ALOX5AP: variants seen among roughly 807,000 people sequenced by gnomAD.
The protein encoded by ALOX5AP is arachidonate 5-lipoxygenase activating protein, also known as arachidonate 5-lipoxygenase-activating protein.
In ALOX5AP, 9 loss-of-function variants were observed where a neutral mutation model predicts 18.5. That is an observed-to-expected ratio of 0.49 (90% CI 0.29 to 0.85). The LOEUF (loss-of-function observed/expected upper bound fraction) is 0.85, where lower values mean the gene tolerates loss of function less well. Ranked by LOEUF, ALOX5AP falls within the 40% of genes least tolerant of loss-of-function variation. The pLI, the probability that ALOX5AP is intolerant of heterozygous loss-of-function variation, is 0.08. For synonymous variants in ALOX5AP, 81 were observed against 78.6 expected (o/e 1.03, Z -0.16); for missense variants, 172 against 202.5 (o/e 0.85, Z 0.91).
rs183607567 is a variant in ALOX5AP, at chr13:30,728,089, G to T, written c.117-7462G>T. Among the ~76,000 whole-genome samples, 36 of 152,268 alleles carry T rather than the reference G, an allele frequency of 2.4e-4. No individual in the cohort carries two copies. In the East Asian group the frequency reaches 4.3e-3, roughly 18 times the overall value. ...ATGAGGGCATACTGGCTCAGGATGG[G>T]CTCCTAATTCAATACAACTAATGTC... On this transcript the variant is annotated intron_variant, in intron 1 of 5. Transcript: ENST00000617770.
chr13:30,736,311 G>C (rs567000585), intron 1 of ALOX5AP, among the ~76,000 whole-genome samples: 1 of 151,680 alleles, frequency 6.6e-6, no homozygotes, highest in Non-Finnish European at 1.5e-5. Flanking sequence ...AAATTGTCCT[G>C]TTCAGCGTTT....
intron 2 of ALOX5AP, among the ~76,000 whole-genome samples, chr13:30,744,737 G>A (rs567808908): frequency 2.6e-5 from 4 of 152,292 alleles, no homozygotes; most frequent in Non-Finnish European, 4.4e-5. Flanking sequence ...ACACCTGAGC[G>A]GCTCCTAAAG....
At chr13:30,733,360 A>G (rs1171548264), upstream of ALOX5AP, among the ~76,000 whole-genome samples, 1 of 152,190 alleles carries the variant, frequency 6.6e-6, no homozygotes, top group East Asian at 1.9e-4. Flanking sequence ...TTGTAAGAGG[A>G]CTGGCCTTCA....
chr13:30,740,919 A>C (rs753050092), intron 1 of ALOX5AP, among the ~76,000 whole-genome samples: 32 of 152,116 alleles, frequency 2.1e-4, no homozygotes, highest in Non-Finnish European at 3.5e-4. Flanking sequence ...GCAGATGCAG[A>C]GAAGTACGGC....
intron 2 of ALOX5AP, among the ~76,000 whole-genome samples, chr13:30,745,491 G>A (rs536212359): frequency 1.3e-5 from 2 of 152,058 alleles, no homozygotes; most frequent in African/African-American, 4.8e-5. Context: ...CACGTGCTCT[G>A]GGCTCCACTC....
chr13:30,733,091 A>G (rs1032316121), upstream of ALOX5AP, among the ~76,000 whole-genome samples: 4 of 150,542 alleles, frequency 2.7e-5, no homozygotes, highest in Non-Finnish European at 4.4e-5. Flanking sequence ...CCCGGGAGGC[A>G]GAGCTTGCAG....
chr13:30,748,575 A>G (rs1239416311), intron 2 of ALOX5AP, among the ~76,000 whole-genome samples: 1 of 152,226 alleles, frequency 6.6e-6, no homozygotes, highest in African/African-American at 2.4e-5. Flanking sequence ...TCTGTTTTGC[A>G]GAAAAAATAG....
intron 1 of ALOX5AP, among the ~76,000 whole-genome samples, chr13:30,716,673 G>T (rs1951552908): frequency 1.3e-5 from 2 of 152,180 alleles, no homozygotes; most frequent in Admixed American, 6.5e-5. Context: ...CCAACTGGAA[G>T]TGGGAGGGGA....
At chr13:30,743,782 G>A (rs1951786329) in intron 1 of ALOX5AP, among the ~76,000 whole-genome samples, 3 of 152,034 alleles carry the variant, frequency 2.0e-5, no homozygotes, top group African/African-American at 7.2e-5. Context: ...TTTGCTGTGT[G>A]GAATGTCTGC....
At chr13:30,738,933 A>AAC (rs17238666) in intron 1 of ALOX5AP, among the ~76,000 whole-genome samples, 11,557 of 151,552 alleles carry the variant, frequency 0.076, 629 homozygotes, top group Admixed American at 0.17. Context: ...GTTCCACCCC[A>AAC]ACACACACAC....
At chr13:30,752,190 G>A in intron 3 of ALOX5AP, 68 bp downstream of exon 3, 1 of 1,531,216 alleles carries the variant, frequency 6.5e-7, no homozygotes, top group East Asian at 2.3e-5. Flanking sequence ...CAAAGGGCAG[G>A]CTTTTTGTTG....
chr13:30,736,693 C>A (rs1951724633), intron 1 of ALOX5AP, among the ~76,000 whole-genome samples: 2 of 152,160 alleles, frequency 1.3e-5, no homozygotes, highest in Admixed American at 6.5e-5. Flanking sequence ...TCCCCCTCAG[C>A]CTCTGCACCA....
chr13:30,753,029 T>C (rs1203359048), intron 3 of ALOX5AP, among the ~76,000 whole-genome samples: 1 of 152,242 alleles, frequency 6.6e-6, no homozygotes, highest in African/African-American at 2.4e-5. Flanking sequence ...AGAGCTACTC[T>C]GTGCCAAGCC....
intron 1 of ALOX5AP, chr13:30,713,922 C>T: frequency 6.9e-7 from 1 of 1,451,142 alleles, no homozygotes; most frequent in South Asian, 1.3e-5. Context: ...GGGCCCAGGG[C>T]CATGTTCGGT....
At chr13:30,740,595 C>T (rs1024532640) in intron 1 of ALOX5AP, among the ~76,000 whole-genome samples, 8 of 152,154 alleles carry the variant, frequency 5.3e-5, no homozygotes, top group Middle Eastern at 3.4e-3. Flanking sequence ...AGTGAGGGGG[C>T]GGTGAGGAGT....
intron 1 of ALOX5AP, among the ~76,000 whole-genome samples, chr13:30,716,219 C>G (rs530465940): frequency 9.8e-5 from 15 of 152,316 alleles, no homozygotes; most frequent in African/African-American, 3.4e-4. Context: ...ACAGCTTTAC[C>G]TGGCTCCATG....
chr13:30,716,245 C>A (rs951084046), intron 1 of ALOX5AP, among the ~76,000 whole-genome samples: 4 of 152,222 alleles, frequency 2.6e-5, no homozygotes, highest in Non-Finnish European at 4.4e-5. Flanking sequence ...ATTGACTCTA[C>A]CTGCCAACAC....
chr13:30,741,836 T>G (rs1316213535), intron 1 of ALOX5AP, among the ~76,000 whole-genome samples: 2 of 151,004 alleles, frequency 1.3e-5, no homozygotes, highest in African/African-American at 2.4e-5. Flanking sequence ...TTTCTGTTTT[T>G]TTTTTTTTTT....
exon 1 of ALOX5AP, chr13:30,713,709 A>G: frequency 6.7e-7 from 1 of 1,486,208 alleles, no homozygotes; most frequent in Non-Finnish European, 9.1e-7. Flanking sequence ...AGGCTCCAGA[A>G]GTCAACAGAA....
Sources: allele counts gnomAD v4.1 joint callset (sites outside exome capture counted in the v4.1 genomes callset), GRCh38; gene constraint gnomAD v4.1.1; transcripts MANE v1.5; gene names NCBI Gene and HGNC (gene_info 2026-07-23, HGNC 2026-07-21).